SLC24A3: variants seen among roughly 807,000 people sequenced by gnomAD.
SLC24A3 encodes the protein solute carrier family 24 member 3.
SLC24A3 carries 28 observed loss-of-function variants against 75.8 expected under a neutral mutation model. The observed-to-expected ratio is 0.37, with a 90% CI of 0.27 to 0.51. The LOEUF (loss-of-function observed/expected upper bound fraction) is 0.51. Ranked by LOEUF, SLC24A3 falls within the 20% of genes least tolerant of loss-of-function variation. SLC24A3 has a pLI of 0.94. For missense variants in SLC24A3, 663 were observed against 847.8 expected (o/e 0.78, Z 2.71); for synonymous variants, 372 against 334.1 (o/e 1.11, Z -1.24).
intron 2 of SLC24A3, among the ~76,000 whole-genome samples, chr20:19,386,479 C>T (rs1332771648): frequency 1.3e-5 from 2 of 152,120 alleles, no homozygotes. Context: ...GAGTGGGCAT[C>T]CTTGCCTTGT....
intron 1 of SLC24A3, among the ~76,000 whole-genome samples, chr20:19,262,779 T>TTAC (rs769052892): frequency 6.6e-6 from 1 of 152,230 alleles, no homozygotes; most frequent in Non-Finnish European, 1.5e-5. Context: ...TTACACTAAC[T>TTAC]ACTGCTCTTG....
intron 3 of SLC24A3, among the ~76,000 whole-genome samples, chr20:19,535,431 C>T (rs949425959): frequency 4.6e-5 from 7 of 152,176 alleles, no homozygotes; most frequent in African/African-American, 1.7e-4. Flanking sequence ...TCATCCTTCA[C>T]CAGGCTAGCC....
chr20:19,590,583 T>C (rs1380239329), intron 6 of SLC24A3, among the ~76,000 whole-genome samples: 1 of 152,100 alleles, frequency 6.6e-6, no homozygotes, highest in African/African-American at 2.4e-5. Context: ...AGAGGGCAGG[T>C]GTGGCAGAAG....
intron 2 of SLC24A3, among the ~76,000 whole-genome samples, chr20:19,389,332 A>G (rs1159740036): frequency 6.6e-6 from 1 of 152,116 alleles, no homozygotes; most frequent in African/African-American, 2.4e-5. Context: ...ATACTTTTAC[A>G]TGCTTTCATG....
intron 3 of SLC24A3, among the ~76,000 whole-genome samples, chr20:19,534,210 C>T (rs1449810520): frequency 6.6e-6 from 1 of 152,238 alleles, no homozygotes; most frequent in East Asian, 1.9e-4. Flanking sequence ...TTTGTCTACT[C>T]TCTGGAGCCA....
intron 2 of SLC24A3, among the ~76,000 whole-genome samples, chr20:19,355,844 G>A (rs1331980395): frequency 1.3e-5 from 2 of 152,176 alleles, no homozygotes; most frequent in African/African-American, 2.4e-5. Flanking sequence ...TAAAATACCT[G>A]ACTGCCGTTG....
At chr20:19,480,496 G>T (rs2122517793) in intron 2 of SLC24A3, among the ~76,000 whole-genome samples, 1 of 152,306 alleles carries the variant, frequency 6.6e-6, no homozygotes, top group African/African-American at 2.4e-5. Flanking sequence ...TGTCCAGTTT[G>T]AGGTGCACTA....
chr20:19,406,213 CGTGTGT>C (rs34771093), intron 2 of SLC24A3, among the ~76,000 whole-genome samples: 7 of 145,868 alleles, frequency 4.8e-5, no homozygotes, highest in Admixed American at 4.8e-4. Flanking sequence ...TGTGTGCGTG[CGTGTGT>C]GTGTGTGTGA....
At chr20:19,321,904 C>A (rs1247406870) in intron 2 of SLC24A3, among the ~76,000 whole-genome samples, 1 of 152,154 alleles carries the variant, frequency 6.6e-6, no homozygotes. Context: ...TTTTCTTTTT[C>A]TTCCAGCCAC....
chr20:19,572,438 A>C (rs116579904), intron 3 of SLC24A3, among the ~76,000 whole-genome samples: 1 of 152,132 alleles, frequency 6.6e-6, no homozygotes, highest in Non-Finnish European at 1.5e-5. Flanking sequence ...CAGCTGGGAA[A>C]CTCTGGAGAC....
rs115840584 is a variant in SLC24A3, at chr20:19,438,881, C to T, written c.272-76607C>T. 2.3e-3 allele frequency among the ~76,000 whole-genome samples: 345 copies of T among 152,362 alleles called. 1 individual carries two copies. Among genetic ancestry groups the T allele is most frequent in the African/African-American group, 8.1e-3 (338 of 41,590 alleles). Reference sequence around the variant, plus strand: ...ATCCCCACAGGGTAGGCAATATAGACAGCAAGCTGCTTTTGACCTCTGCAT... The same window carrying T: ...ATCCCCACAGGGTAGGCAATATAGATAGCAAGCTGCTTTTGACCTCTGCAT... On this transcript the variant is annotated intron_variant, in intron 2 of 16. Transcript: ENST00000328041.
intron 6 of SLC24A3, among the ~76,000 whole-genome samples, chr20:19,614,472 A>G (rs1183731720): frequency 2.6e-5 from 4 of 152,216 alleles, no homozygotes; most frequent in African/African-American, 9.6e-5. Flanking sequence ...TTAGTGCCAC[A>G]GGCCCATTGA....
chr20:19,602,843 T>A (rs1485442088), intron 6 of SLC24A3, among the ~76,000 whole-genome samples: 1 of 152,152 alleles, frequency 6.6e-6, no homozygotes, highest in Non-Finnish European at 1.5e-5. Flanking sequence ...CAGGCAGGTG[T>A]GTGGGGAGTT....
intron 2 of SLC24A3, among the ~76,000 whole-genome samples, chr20:19,440,231 A>T (rs1987274684): frequency 6.6e-6 from 1 of 152,216 alleles, no homozygotes; most frequent in African/African-American, 2.4e-5. Context: ...CACTTTGATC[A>T]TGCTAGTCCT....
intron 1 of SLC24A3, among the ~76,000 whole-genome samples, chr20:19,236,696 C>A (rs1017155531): frequency 3.9e-5 from 6 of 152,176 alleles, no homozygotes; most frequent in African/African-American, 1.4e-4. Context: ...TTTGAGGCTG[C>A]AGTAAACTAT....
At chr20:19,331,388 G>A (rs577255991) in intron 2 of SLC24A3, among the ~76,000 whole-genome samples, 3 of 152,112 alleles carry the variant, frequency 2.0e-5, no homozygotes, top group African/African-American at 4.8e-5. Flanking sequence ...AGGTAGGTAG[G>A]TAGATAGAGT....
At chr20:19,374,009 C>G (rs1986036115) in intron 2 of SLC24A3, among the ~76,000 whole-genome samples, 3 of 152,116 alleles carry the variant, frequency 2.0e-5, no homozygotes, top group Admixed American at 6.5e-5. Context: ...CACTTGGCCA[C>G]TAATGTCCAT....
At chr20:19,545,096 G>T (rs2030565460) in intron 3 of SLC24A3, among the ~76,000 whole-genome samples, 1 of 152,176 alleles carries the variant, frequency 6.6e-6, no homozygotes, top group African/African-American at 2.4e-5. Context: ...CTATTGTTTT[G>T]CTTCCAGTGT....
At chr20:19,456,496 A>T (rs1358480872) in intron 2 of SLC24A3, among the ~76,000 whole-genome samples, 1 of 152,132 alleles carries the variant, frequency 6.6e-6, no homozygotes, top group Non-Finnish European at 1.5e-5. Flanking sequence ...CTTGCCTTCC[A>T]CCAGGATTGT....
Sources: allele counts gnomAD v4.1 joint callset (sites outside exome capture counted in the v4.1 genomes callset), GRCh38; gene constraint gnomAD v4.1.1; transcripts MANE v1.5; gene names NCBI Gene and HGNC (gene_info 2026-07-23, HGNC 2026-07-21).